Variants in HNF4G observed in about 807,000 individuals in gnomAD.
HNF4G encodes the protein hepatocyte nuclear factor 4-gamma.
In HNF4G, 21 loss-of-function variants were observed where a neutral mutation model predicts 50.9. That is an observed-to-expected ratio of 0.41 (90% confidence interval 0.29 to 0.59). The LOEUF (loss-of-function observed/expected upper bound fraction) is 0.59. HNF4G is among the 20% of genes least tolerant of loss of function. The pLI is 0.26. For synonymous variants in HNF4G, 198 were observed against 185.6 expected, an observed-to-expected ratio of 1.07 and a Z score of -0.54; for missense variants, 527 against 559.4, an observed-to-expected ratio of 0.94 and a Z score of 0.58.
intron 1 of HNF4G, among the ~76,000 whole-genome samples, chr8:75,411,949 G>T (rs1170479169): frequency 6.6e-6 from 1 of 152,182 alleles, no homozygotes. Context: ...TTGAGTACCA[G>T]GTATGTGTTC....
Position 75,564,011 on chromosome 8 carries a change from G to T in HNF4G, c.1283G>T (p.Gly428Val). 1 of 1,613,516 alleles carries T rather than the reference G, an allele frequency of 6.2e-7. No individual in the cohort carries two copies. Among genetic ancestry groups the T allele is most frequent in the Non-Finnish European group, 8.5e-7 (1 of 1,179,636 alleles). Residue 428 changes from glycine to valine, a missense_variant, in exon 10 of 10, where the codon GGC (glycine) becomes GTC (valine). By Grantham distance (109) the Gly-to-Val change is moderately radical. Transcript: ENST00000396423. ...ACCCCACTCCCTTCCCCACCACAAG[G>T]CTCTGGGCAAGAACAGTACAAAATA... is the stretch of plus-strand genomic sequence containing the variant. ...PETPLPSPPQ[G>V]SGQEQYKIAA...
intron 1 of HNF4G, among the ~76,000 whole-genome samples, chr8:75,438,616 T>G (rs1425418980): frequency 2.0e-5 from 3 of 152,024 alleles, no homozygotes; most frequent in African/African-American, 7.2e-5. Context: ...ACAATTTACC[T>G]TCATGCATTT....
At chr8:75,484,736 C>T (rs11998082) in intron 1 of HNF4G, among the ~76,000 whole-genome samples, 34,626 of 152,140 alleles carry the variant, frequency 0.23, 5,132 homozygotes, top group African/African-American at 0.42. Flanking sequence ...TCAATGCCTG[C>T]CCCAGTGACT....
chr8:75,560,481 T>G lies in HNF4G; in HGVS notation c.1246+15T>G, dbSNP rs370160359. ...AGACCAGATCTGTAAGTTTATAGAC[T>G]ACTTTTCAACCAAGATATTTCTTAA... On this transcript the variant is annotated intron_variant, in intron 9 of 9. Coordinates refer to ENST00000396423, the MANE Select transcript of HNF4G (RefSeq NM_004133.5). 6.2e-7 allele frequency: 1 copy of G among 1,600,632 alleles called. No individual in the cohort carries two copies. The highest frequency in any genetic ancestry group is 1.7e-4 in the Middle Eastern group (1 of 5,980).
At chr8:75,410,670 A>G (rs2926602) in intron 1 of HNF4G, among the ~76,000 whole-genome samples, 1 of 151,926 alleles carries the variant, frequency 6.6e-6, no homozygotes, top group Non-Finnish European at 1.5e-5. Flanking sequence ...TTTTCCTTCC[A>G]AAGAGAAGAT....
Position 75,564,028 on chromosome 8 carries a change from T to C in HNF4G, c.1300T>C (p.Tyr434His), listed in dbSNP as rs767130589. Residue 434 changes from tyrosine (Y) to histidine (H), a missense_variant, in exon 10 of 10, where the codon TAC becomes CAC. Tyr to His is a moderately conservative substitution (Grantham distance 83). Around this residue, in one of 5 missense-constraint regions of HNF4G, gnomAD observed 308 missense variants for 301.5 expected, o/e 1.02. Transcript: ENST00000396423. ...ACCACAAGGCTCTGGGCAAGAACAGTACAAAATAGCTGCAAACCAAGCATC... is the reference window on the plus strand; with the variant it reads ...ACCACAAGGCTCTGGGCAAGAACAGCACAAAATAGCTGCAAACCAAGCATC... ...SPPQGSGQEQ[Y>H]KIAANQASVI... 2 of 1,613,702 alleles carry C rather than the reference T, an allele frequency of 1.2e-6. No individual in the cohort carries two copies. The highest frequency in any genetic ancestry group is 1.7e-6 in the Non-Finnish European group (2 of 1,179,706).
intron 1 of HNF4G, among the ~76,000 whole-genome samples, chr8:75,484,383 T>C (rs964585814): frequency 3.5e-5 from 5 of 143,652 alleles, no homozygotes; most frequent in African/African-American, 1.1e-4. Flanking sequence ...GTCCTTCTGA[T>C]TGCAATTGTG....
chr8:75,411,636 T>C (rs1433198013), intron 1 of HNF4G, among the ~76,000 whole-genome samples: 4 of 152,194 alleles, frequency 2.6e-5, no homozygotes, highest in African/African-American at 9.7e-5. Context: ...GTTCACTTTT[T>C]TTCTTTTTGT....
At chr8:75,516,335 CTTG>C (rs1023567757) in intron 2 of HNF4G, among the ~76,000 whole-genome samples, 5 of 151,754 alleles carry the variant, frequency 3.3e-5, no homozygotes, top group African/African-American at 9.7e-5. Flanking sequence ...CGGGTTATTT[CTTG>C]TTGTTGTTGA....
chr8:75,538,233 C>T (rs1806521625), upstream of HNF4G, among the ~76,000 whole-genome samples: 1 of 152,152 alleles, frequency 6.6e-6, no homozygotes, highest in Admixed American at 6.6e-5. Flanking sequence ...TTGCTAATTG[C>T]TACTTGAAGA....
chr8:75,556,895 C>A (rs1807145270), intron 6 of HNF4G, among the ~76,000 whole-genome samples: 1 of 152,098 alleles, frequency 6.6e-6, no homozygotes, highest in Non-Finnish European at 1.5e-5. Flanking sequence ...TATATATATT[C>A]TCTCATTTAA....
At chr8:75,419,706 A>G (rs918092240) in intron 1 of HNF4G, among the ~76,000 whole-genome samples, 2 of 152,356 alleles carry the variant, frequency 1.3e-5, no homozygotes, top group East Asian at 3.9e-4. Flanking sequence ...TGACAATGTA[A>G]TTGCAGCTCA....
At chr8:75,455,055 C>T (rs1811687225) in intron 1 of HNF4G, among the ~76,000 whole-genome samples, 1 of 152,050 alleles carries the variant, frequency 6.6e-6, no homozygotes, top group Non-Finnish European at 1.5e-5. Context: ...TCACATCATC[C>T]CTTTTGTGTA....
At chr8:75,515,498 A>G (rs1368356609) in intron 2 of HNF4G, among the ~76,000 whole-genome samples, 1 of 152,120 alleles carries the variant, frequency 6.6e-6, no homozygotes, top group African/African-American at 2.4e-5. Flanking sequence ...ATTCACATCC[A>G]CAAACTGAAG....
chr8:75,561,794 G>A (rs1456806393), intron 9 of HNF4G, among the ~76,000 whole-genome samples: 2 of 152,026 alleles, frequency 1.3e-5, no homozygotes, highest in Non-Finnish European at 2.9e-5. Flanking sequence ...GTGCAGTGAG[G>A]GCTGCTTATG....
In HNF4G at chr8:75,539,959, A is replaced by G; in HGVS notation, c.-4A>G. 1 of 1,289,316 alleles carries G rather than the reference A, an allele frequency of 7.8e-7. No individual in the cohort carries two copies. Among genetic ancestry groups the G allele is most frequent in the Non-Finnish European group, 1.1e-6 (1 of 885,366 alleles). The allele number at this position is 1,289,316 out of a possible 1,614,324, so 79.9% of individuals were successfully genotyped here. ...GTGCCACTTGTATGTGTGTTTCTAAATCAATGATGAGGGTATCAGAACCAA... is the reference window on the plus strand; with the variant it reads ...GTGCCACTTGTATGTGTGTTTCTAAGTCAATGATGAGGGTATCAGAACCAA... On this transcript the variant is annotated 5_prime_UTR_variant, in exon 1 of 10. Coordinates refer to ENST00000396423, the MANE Select transcript of HNF4G (RefSeq NM_004133.5).
intron 1 of HNF4G, among the ~76,000 whole-genome samples, chr8:75,436,755 G>A (rs1811151354): frequency 6.6e-6 from 1 of 152,196 alleles, no homozygotes; most frequent in Non-Finnish European, 1.5e-5. Context: ...TTTAAAATGA[G>A]AACTTTGTCC....
chr8:75,488,165 T>G (rs1812536913), intron 1 of HNF4G, among the ~76,000 whole-genome samples: 1 of 152,206 alleles, frequency 6.6e-6, no homozygotes, highest in Non-Finnish European at 1.5e-5. Flanking sequence ...TATATTTTTC[T>G]TTATGTCTTT....
upstream of HNF4G, among the ~76,000 whole-genome samples, chr8:75,538,222 G>A (rs1041629402): frequency 3.3e-5 from 5 of 152,164 alleles, no homozygotes; most frequent in African/African-American, 1.2e-4. Flanking sequence ...ACTCTGATTA[G>A]TTGCTAATTG....
Sources: allele counts gnomAD v4.1 joint callset (sites outside exome capture counted in the v4.1 genomes callset), GRCh38; gene constraint gnomAD v4.1.1; regional missense constraint gnomAD v4.1.1; transcripts MANE v1.5; gene names NCBI Gene and HGNC (gene_info 2026-07-23, HGNC 2026-07-21).